TRIP4: variants seen among roughly 807,000 people sequenced by gnomAD.
TRIP4 encodes thyroid hormone receptor interactor 4.
Under a neutral mutation model 81.8 loss-of-function variants are expected in TRIP4, and 54 were observed. The observed-to-expected ratio is 0.66, with a 90% CI of 0.53 to 0.83. The LOEUF (loss-of-function observed/expected upper bound fraction) is 0.83, where lower values mean the gene tolerates loss of function less well. Ranked by LOEUF, TRIP4 falls within the 40% of genes least tolerant of loss-of-function variation. TRIP4 has a pLI of 0.00. For synonymous variants in TRIP4, 270 were observed against 242.8 expected (o/e 1.11, Z -1.04); for missense variants, 662 against 683.6 (o/e 0.97, Z 0.35).
intron 1 of TRIP4, among the ~76,000 whole-genome samples, chr15:64,391,799 G>A (rs1347611892): frequency 6.6e-6 from 1 of 151,140 alleles, no homozygotes; most frequent in Non-Finnish European, 1.5e-5. Flanking sequence ...GCAAAACCTT[G>A]TCTCTACTAA....
At chr15:64,431,847 A>ATATATATATATATATATATATATATATAT in intron 11 of TRIP4, among the ~76,000 whole-genome samples, 4 of 119,558 alleles carry the variant, frequency 3.3e-5, no homozygotes, top group African/African-American at 1.3e-4. Context: ...ATATATATAT[A>ATATATATATATATATATATATATATATAT]TTTTTTTTAT....
At chr15:64,399,446 T>C (rs1331908678) in intron 4 of TRIP4, among the ~76,000 whole-genome samples, 2 of 152,132 alleles carry the variant, frequency 1.3e-5, no homozygotes, top group African/African-American at 4.8e-5. Flanking sequence ...TAGGAAGTAT[T>C]GTACAGTGTT....
intron 9 of TRIP4, 86 bp downstream of exon 9, chr15:64,418,814 T>C (rs1166340122): frequency 1.6e-6 from 2 of 1,289,168 alleles, no homozygotes; most frequent in East Asian, 2.5e-5. Flanking sequence ...TTAGTTTTCC[T>C]CAATCTAGTG....
chr15:64,430,443 T>A (rs1024176757), intron 11 of TRIP4, among the ~76,000 whole-genome samples: 19 of 152,232 alleles, frequency 1.2e-4, no homozygotes, highest in African/African-American at 4.6e-4. Context: ...AGGGAGGATG[T>A]TGACTGCAAC....
At chr15:64,433,732 A>G (rs1892327935) in intron 11 of TRIP4, among the ~76,000 whole-genome samples, 1 of 152,250 alleles carries the variant, frequency 6.6e-6, no homozygotes, top group Non-Finnish European at 1.5e-5. Flanking sequence ...GAGCAAAGGC[A>G]CAGAGGTGAA....
intron 11 of TRIP4, among the ~76,000 whole-genome samples, chr15:64,442,238 T>G (rs778552772): frequency 6.6e-6 from 1 of 151,392 alleles, no homozygotes; most frequent in East Asian, 1.9e-4. Flanking sequence ...GTGTTGAGAA[T>G]AGACCAAGAG....
chr15:64,401,025 G>C (rs757664171), intron 5 of TRIP4, among the ~76,000 whole-genome samples: 4 of 151,616 alleles, frequency 2.6e-5, no homozygotes, highest in Non-Finnish European at 5.9e-5. Context: ...GCAGTGACGC[G>C]ATCTTGGCTT....
rs140547542 is a variant in TRIP4 at position 64,407,166 on chromosome 15, A to C, written c.827+707A>C. On this transcript the variant is annotated intron_variant, in intron 6 of 12. Transcript: ENST00000261884. ...TCTGAGGGTCCTCAGAGAGACCCTGAATCTCTTGTAACCTGAGAGTCTGTT... is the reference window on the plus strand; with the variant it reads ...TCTGAGGGTCCTCAGAGAGACCCTGCATCTCTTGTAACCTGAGAGTCTGTT... Among the ~76,000 whole-genome samples the C allele has an allele frequency of 5.3e-5, 8 of 152,276 alleles. No individual in the cohort carries two copies. The East Asian group carries it at 1.5e-3, about 29-fold the overall frequency.
intron 12 of TRIP4, among the ~76,000 whole-genome samples, chr15:64,448,445 AT>A (rs1269977231): frequency 6.6e-6 from 1 of 152,140 alleles, no homozygotes; most frequent in Non-Finnish European, 1.5e-5. Context: ...AAGGTTAAAA[AT>A]TGCACAGAAA....
In TRIP4 at chr15:64,455,121, C is replaced by G. The variant is rs1892857183; in HGVS notation, c.*57C>G. On this transcript the variant is annotated 3_prime_UTR_variant, in exon 13 of 13. Transcript: ENST00000261884. ...GAGTTTTGTGTACTAAAATTGCTAT[C>G]TACTGGTCCTTTGGAATTGAAGTAG... is the stretch of plus-strand genomic sequence containing the variant. 4 of 1,508,242 alleles carry G rather than the reference C, an allele frequency of 2.7e-6. No individual in the cohort carries two copies. The African/African-American group carries it at 5.5e-5, about 21-fold the overall frequency. 93.4% of individuals were successfully genotyped at this position (1,508,242 alleles called of 1,614,324 possible). A position where few individuals can be genotyped will look rare whatever the true frequency, so the allele number is the denominator to read the frequency against.
At chr15:64,432,803 C>T (rs1249491187) in intron 11 of TRIP4, among the ~76,000 whole-genome samples, 3 of 144,766 alleles carry the variant, frequency 2.1e-5, no homozygotes, top group Admixed American at 1.4e-4. Flanking sequence ...CCCAGCTACT[C>T]GGGAGGCTGA....
At chr15:64,445,825 G>A (rs886339685) in intron 12 of TRIP4, among the ~76,000 whole-genome samples, 1 of 152,132 alleles carries the variant, frequency 6.6e-6, no homozygotes, top group Admixed American at 6.5e-5. Flanking sequence ...ATAGTAAGTC[G>A]CTCTAAACTT....
intron 12 of TRIP4, among the ~76,000 whole-genome samples, chr15:64,445,667 C>CAAACAA (rs1555412111): frequency 4.4e-4 from 34 of 77,952 alleles, no homozygotes; most frequent in African/African-American, 1.9e-3. Flanking sequence ...CACTCAGTCT[C>CAAACAA]AAAAAAAAAA....
intron 8 of TRIP4, among the ~76,000 whole-genome samples, chr15:64,415,607 G>A (rs1289412668): frequency 6.6e-6 from 1 of 152,162 alleles, no homozygotes; most frequent in Non-Finnish European, 1.5e-5. Context: ...CCCCATGTGT[G>A]TCTCTGTCAC....
intron 5 of TRIP4, among the ~76,000 whole-genome samples, chr15:64,405,659 T>G (rs1235472515): frequency 6.6e-6 from 1 of 152,242 alleles, no homozygotes; most frequent in Middle Eastern, 3.2e-3. Flanking sequence ...TTGTGAAATT[T>G]TCTTTTTTCT....
intron 7 of TRIP4, 79 bp from the exon 8 acceptor site, chr15:64,414,006 A>AAAGCATTTTATGTTGGTGGT (rs1173492134): frequency 1.3e-6 from 2 of 1,526,586 alleles, no homozygotes; most frequent in African/African-American, 2.7e-5. Flanking sequence ...TATTACTATT[A>AAAGCATTTTATGTTGGTGGT]AAGCATTTTA....
At chr15:64,443,660 CCTTA>C (rs1445383375) in intron 11 of TRIP4, among the ~76,000 whole-genome samples, 1 of 152,064 alleles carries the variant, frequency 6.6e-6, no homozygotes, top group African/African-American at 2.4e-5. Flanking sequence ...GTATCTGTAG[CCTTA>C]CTTTTCTACC....
At chr15:64,407,935 A>G (rs1054164414) in intron 6 of TRIP4, among the ~76,000 whole-genome samples, 1 of 152,024 alleles carries the variant, frequency 6.6e-6, no homozygotes, top group Non-Finnish European at 1.5e-5. Flanking sequence ...TGTCTGTACA[A>G]AAAATACAGA....
rs1224961002 is a variant in TRIP4, at chr15:64,428,838, C to T, written c.1575+3207C>T. 2.0e-5 allele frequency among the ~76,000 whole-genome samples: 3 copies of T among 152,028 alleles called. No individual in the cohort carries two copies. The East Asian group carries it at 5.8e-4, about 30-fold the overall frequency. ...TGTTGGTCAGGCTGGTCTCGAACTC[C>T]TGACATCAGGTGATACACCCGCATT... On this transcript the variant is annotated intron_variant, in intron 11 of 12. Coordinates refer to ENST00000261884, the MANE Select transcript of TRIP4 (RefSeq NM_016213.5).
Sources: allele counts gnomAD v4.1 joint callset (sites outside exome capture counted in the v4.1 genomes callset), GRCh38; gene constraint gnomAD v4.1.1; transcripts MANE v1.5; gene names NCBI Gene and HGNC (gene_info 2026-07-23, HGNC 2026-07-21).